SRBD1: variants seen among roughly 807,000 people sequenced by gnomAD.
The protein encoded by SRBD1 is S1 RNA binding domain 1.
SRBD1 carries 88 observed loss-of-function variants against 115.3 expected under a neutral mutation model. That is an observed-to-expected ratio of 0.76 (90% CI 0.64 to 0.91). The LOEUF (loss-of-function observed/expected upper bound fraction) is 0.91. Ranked by LOEUF, SRBD1 falls within the 40% of genes least tolerant of loss-of-function variation. The probability of loss-of-function intolerance (pLI) is 0.00; values close to 1 mark genes in which losing one functional copy is unlikely to be tolerated. For synonymous variants in SRBD1, 509 were observed against 407.7 expected (o/e 1.25, Z -2.99); for missense variants, 1,385 against 1,177.4 (o/e 1.18, Z -2.58).
At chr2:45,443,457 T>TG (rs1221997371) in intron 16 of SRBD1, among the ~76,000 whole-genome samples, 1 of 151,734 alleles carries the variant, frequency 6.6e-6, no homozygotes, top group Admixed American at 6.6e-5. Context: ...AAAATTTTGG[T>TG]GGGGGGGATT....
At chr2:45,401,388 T>G (rs17033608) in intron 19 of SRBD1, among the ~76,000 whole-genome samples, 7,708 of 152,296 alleles carry the variant, frequency 0.051, 656 homozygotes, top group African/African-American at 0.18. Context: ...AATCTAATAT[T>G]GTCTAGCCAT....
At position 45,601,942 on chromosome 2, in the gene SRBD1, G is replaced by A. The variant is rs748414974; in HGVS notation, c.222C>T (p.Ile74=). 1.2e-6 allele frequency: 2 copies of A among 1,614,180 alleles called. No homozygotes were observed. Among genetic ancestry groups the A allele is most frequent in the Non-Finnish European group, 8.5e-7 (1 of 1,180,026 alleles). The part of the protein sequence containing the change: ...MPRVKKNAPQ[I]SDGSEVVVVK... Reference sequence around the variant, plus strand: ...CAACAACGACTTCTGAGCCATCACTGATCTGTGGGGCATTCTTCTTCACCC... The same window carrying A: ...CAACAACGACTTCTGAGCCATCACTAATCTGTGGGGCATTCTTCTTCACCC... The change falls in exon 3 of 21, where the codon ATC becomes ATT. Residue 74 remains isoleucine (I), a synonymous_variant. Transcript: ENST00000263736.
chr2:45,479,112 A>G (rs1669886647), intron 15 of SRBD1, among the ~76,000 whole-genome samples: 2 of 152,154 alleles, frequency 1.3e-5, no homozygotes, highest in African/African-American at 4.8e-5. Flanking sequence ...AACTTAATCA[A>G]TAAATGATGT....
chr2:45,491,124 C>A (rs1186444945), intron 14 of SRBD1, among the ~76,000 whole-genome samples: 1 of 151,816 alleles, frequency 6.6e-6, no homozygotes, highest in African/African-American at 2.4e-5. Context: ...GTTTTAATAC[C>A]CTCCCTTTTT....
At chr2:45,549,864 G>C (rs767243664) in intron 12 of SRBD1, among the ~76,000 whole-genome samples, 1 of 151,860 alleles carries the variant, frequency 6.6e-6, no homozygotes, top group Non-Finnish European at 1.5e-5. Flanking sequence ...CCCTGACTCA[G>C]TAAAAGTTAA....
chr2:45,418,091 T>C lies in SRBD1; in HGVS notation c.2333+274A>G, dbSNP rs72880617. On this transcript the variant is annotated intron_variant, in intron 18 of 20. Coordinates refer to ENST00000263736, the MANE Select transcript of SRBD1 (RefSeq NM_018079.5). ...TGTCACATATCCCTGCTTTAATTTTTATAGCACTTCTTGCCATCTGAAAGT... is the reference window on the plus strand; with the variant it reads ...TGTCACATATCCCTGCTTTAATTTTCATAGCACTTCTTGCCATCTGAAAGT... 9.3e-3 allele frequency among the ~76,000 whole-genome samples: 1,417 copies of C among 152,336 alleles called. 17 individuals carry two copies. Among genetic ancestry groups the C allele is most frequent in the African/African-American group, 0.033 (1,362 of 41,554 alleles).
intron 2 of SRBD1, among the ~76,000 whole-genome samples, chr2:45,603,454 G>A (rs750363015): frequency 1.4e-4 from 21 of 152,050 alleles, no homozygotes; most frequent in African/African-American, 2.4e-4. Context: ...GGAATCCCTC[G>A]AGGCTTAGTC....
intron 14 of SRBD1, chr2:45,546,406 G>T (rs1672120458): frequency 1.1e-6 from 1 of 909,706 alleles, no homozygotes; most frequent in Non-Finnish European, 1.3e-6. Flanking sequence ...CTAGCTGCTA[G>T]CCTGGTACAT....
chr2:45,585,887 G>T, intron 4 of SRBD1, 113 bp from the exon 5 acceptor site: 3 of 799,916 alleles, frequency 3.8e-6, no homozygotes, highest in South Asian at 4.9e-5. Context: ...GAAACTACTT[G>T]CTATAGTTTT....
chr2:45,596,367 C>T (rs144255187), intron 4 of SRBD1, among the ~76,000 whole-genome samples: 1 of 152,268 alleles, frequency 6.6e-6, no homozygotes, highest in Non-Finnish European at 1.5e-5. Flanking sequence ...ATTAGTGAAC[C>T]CAGATATTCA....
intron 14 of SRBD1, among the ~76,000 whole-genome samples, chr2:45,526,542 G>C (rs1309676639): frequency 6.6e-6 from 1 of 151,844 alleles, no homozygotes; most frequent in Non-Finnish European, 1.5e-5. Flanking sequence ...AGTAGTGATA[G>C]CTGCACATCT....
intron 7 of SRBD1, among the ~76,000 whole-genome samples, chr2:45,577,107 C>A (rs563685923): frequency 1.3e-5 from 2 of 152,276 alleles, no homozygotes; most frequent in African/African-American, 2.4e-5. Context: ...TAAAAAACTG[C>A]CACTAGGGAA....
At chr2:45,460,605 G>T (rs1441140800) in intron 16 of SRBD1, among the ~76,000 whole-genome samples, 1 of 152,182 alleles carries the variant, frequency 6.6e-6, no homozygotes, top group East Asian at 1.9e-4. Context: ...TGGGCATTTA[G>T]AAGAGAGAAA....
chr2:45,604,152 A>T (rs916684090), intron 2 of SRBD1, among the ~76,000 whole-genome samples: 1 of 151,886 alleles, frequency 6.6e-6, no homozygotes, highest in Non-Finnish European at 1.5e-5. Flanking sequence ...CATTTCCCCT[A>T]CTTCCAGTTT....
chr2:45,414,669 GTA>G (rs1376526099), intron 18 of SRBD1, among the ~76,000 whole-genome samples: 1 of 150,280 alleles, frequency 6.7e-6, no homozygotes, highest in East Asian at 2.0e-4. Flanking sequence ...CACACATAGT[GTA>G]TATAGTATGT....
intron 14 of SRBD1, among the ~76,000 whole-genome samples, chr2:45,522,217 T>C (rs1671306760): frequency 6.6e-6 from 1 of 152,038 alleles, no homozygotes; most frequent in Non-Finnish European, 1.5e-5. Context: ...AGGGTCTCAT[T>C]CTGTTGCCCA....
In SRBD1 at chr2:45,389,049, A is replaced by C. The variant is rs527948388; in HGVS notation, c.*261T>G. On this transcript the variant is annotated 3_prime_UTR_variant, in exon 21 of 21. Coordinates refer to ENST00000263736, the MANE Select transcript of SRBD1 (RefSeq NM_018079.5). Reference sequence around the variant, plus strand: ...AAAGATAAATTACAAAAAATAAAAAACAAAATTTTAGTCAGAAAACTATTA... The same window carrying C: ...AAAGATAAATTACAAAAAATAAAAACCAAAATTTTAGTCAGAAAACTATTA... 12 of 397,894 alleles carry C rather than the reference A, an allele frequency of 3.0e-5. No individual in the cohort carries two copies. The highest frequency in any genetic ancestry group is 2.2e-4 in the African/African-American group (11 of 49,176). The allele number at this position is 397,894 out of a possible 1,614,324, so 24.6% of individuals were successfully genotyped here.
intron 14 of SRBD1, among the ~76,000 whole-genome samples, chr2:45,544,130 G>C (rs1166897181): frequency 6.6e-6 from 1 of 151,538 alleles, no homozygotes; most frequent in African/African-American, 2.4e-5. Context: ...CTACTCGGGA[G>C]GTTGAGGCAG....
At chr2:45,520,769 G>A (rs1671258569) in intron 14 of SRBD1, among the ~76,000 whole-genome samples, 1 of 152,160 alleles carries the variant, frequency 6.6e-6, no homozygotes, top group Non-Finnish European at 1.5e-5. Flanking sequence ...CCAAACTCCA[G>A]GGGAAGATCA....
Sources: allele counts gnomAD v4.1 joint callset (sites outside exome capture counted in the v4.1 genomes callset), GRCh38; gene constraint gnomAD v4.1.1; transcripts MANE v1.5; gene names NCBI Gene and HGNC (gene_info 2026-07-23, HGNC 2026-07-21).